CSMD1: variants seen among roughly 807,000 people sequenced by gnomAD.
CSMD1 encodes the protein CUB and sushi domain-containing protein 1.
In CSMD1, 213 loss-of-function variants were observed where a neutral mutation model predicts 417.5. The ratio of observed to expected loss-of-function variants is 0.51; its 90% CI spans 0.46 to 0.57. The LOEUF (loss-of-function observed/expected upper bound fraction) is 0.57, where lower values mean the gene tolerates loss of function less well. CSMD1 is among the 20% of genes least tolerant of loss of function. CSMD1 has a pLI of 0.00. For missense variants in CSMD1, 6,923 were observed against 4,529.7 expected, an observed-to-expected ratio of 1.53 and a Z score of -15.17; for synonymous variants, 2,862 against 1,736.8, an observed-to-expected ratio of 1.65 and a Z score of -16.11.
chr8:3,912,358 G>C (rs951006915), intron 5 of CSMD1, among the ~76,000 whole-genome samples: 2 of 152,100 alleles, frequency 1.3e-5, no homozygotes, highest in Admixed American at 6.5e-5. Flanking sequence ...CATGTATTTA[G>C]GATTTACTAC....
intron 4 of CSMD1, among the ~76,000 whole-genome samples, chr8:4,013,727 G>A (rs1796389347): frequency 6.6e-6 from 1 of 152,148 alleles, no homozygotes; most frequent in African/African-American, 2.4e-5. Context: ...AACAAATGTT[G>A]GCGAACTATA....
intron 2 of CSMD1, among the ~76,000 whole-genome samples, chr8:4,445,830 T>G (rs1349377244): frequency 1.3e-5 from 2 of 152,230 alleles, no homozygotes; most frequent in African/African-American, 2.4e-5. Flanking sequence ...AATTGCCTAC[T>G]TAGTAATTAA....
intron 18 of CSMD1, among the ~76,000 whole-genome samples, chr8:3,381,526 G>A (rs1227146217): frequency 6.6e-6 from 1 of 151,888 alleles, no homozygotes; most frequent in Non-Finnish European, 1.5e-5. Context: ...ATATTTTAAG[G>A]GTTATCATTC....
chr8:2,946,718 T>C (rs1802265135), intron 68 of CSMD1, among the ~76,000 whole-genome samples: 1 of 152,250 alleles, frequency 6.6e-6, no homozygotes, highest in Non-Finnish European at 1.5e-5. Context: ...ACAAGTTTTG[T>C]GTGACATATT....
At chr8:3,742,940 T>G (rs1294693338) in intron 6 of CSMD1, among the ~76,000 whole-genome samples, 1 of 152,308 alleles carries the variant, frequency 6.6e-6, no homozygotes, top group African/African-American at 2.4e-5. Flanking sequence ...GTCGCACTCA[T>G]CTTCTTGACA....
chr8:4,737,341 G>A lies in CSMD1; in HGVS notation c.86-99783C>T, dbSNP rs147522600. On this transcript the variant is annotated intron_variant, in intron 1 of 69. Coordinates refer to ENST00000635120, the MANE Select transcript of CSMD1 (RefSeq NM_033225.6). The stretch of plus-strand genomic sequence containing the variant: ...CACACCCTGGGATCTTTCAAAGGGT[G>A]GAGGGTTGGAGGAGAGAGAGAGTCA... 1.7e-3 allele frequency among the ~76,000 whole-genome samples: 254 copies of A among 152,166 alleles called. 1 individual carries two copies. The highest frequency in any genetic ancestry group is 5.9e-3 in the African/African-American group (245 of 41,478).
At position 3,518,958 on chromosome 8, in the gene CSMD1, CAAT is replaced by C. The variant is rs571050502; in HGVS notation, c.1345-25235_1345-25233del. Among the ~76,000 whole-genome samples, 31 of 152,298 alleles carry C rather than the reference CAAT, an allele frequency of 2.0e-4. No homozygotes were observed. In the South Asian group the frequency reaches 2.1e-3, roughly 10 times the overall value. ...TCCCTTTTATTTGGTTTCAACACAA[CAAT>C]GTTATGTAGCACTTTTAAACTGAAA... On this transcript the variant is annotated intron_variant, in intron 10 of 69. Transcript: ENST00000635120.
intron 1 of CSMD1, among the ~76,000 whole-genome samples, chr8:4,811,468 C>T (rs1343135160): frequency 6.6e-6 from 1 of 151,890 alleles, no homozygotes; most frequent in African/African-American, 2.4e-5. Context: ...AATACAACTT[C>T]AAAAAATACA....
chr8:3,186,427 T>G (rs778301604), intron 36 of CSMD1, among the ~76,000 whole-genome samples: 2 of 152,182 alleles, frequency 1.3e-5, no homozygotes, highest in Non-Finnish European at 2.9e-5. Flanking sequence ...AAACATGGAT[T>G]GTGAATGACA....
At chr8:3,126,576 C>T (rs1368139703) in intron 41 of CSMD1, among the ~76,000 whole-genome samples, 5 of 152,154 alleles carry the variant, frequency 3.3e-5, no homozygotes, top group Non-Finnish European at 5.9e-5. Context: ...ACAGAATTTC[C>T]CAAGTGCACA....
chr8:4,486,180 CATATATATATATATAT>C (rs559383827), intron 2 of CSMD1, among the ~76,000 whole-genome samples: 3 of 17,610 alleles, frequency 1.7e-4, no homozygotes, highest in African/African-American at 4.5e-4. Context: ...TATATACATA[CATATATATATATATAT>C]ATACATACAT....
At chr8:4,333,239 C>T (rs923020062) in intron 3 of CSMD1, among the ~76,000 whole-genome samples, 3 of 152,058 alleles carry the variant, frequency 2.0e-5, no homozygotes, top group African/African-American at 7.2e-5. Context: ...GCCTAGTGAC[C>T]CTGGACACAA....
intron 25 of CSMD1, among the ~76,000 whole-genome samples, chr8:3,292,890 G>A (rs1299269460): frequency 1.3e-5 from 2 of 151,544 alleles, no homozygotes; most frequent in Non-Finnish European, 2.9e-5. Flanking sequence ...TGGTTATTTT[G>A]CTCGTTAGTT....
intron 5 of CSMD1, among the ~76,000 whole-genome samples, chr8:3,945,858 CATT>C (rs1489048850): frequency 4.6e-5 from 7 of 152,168 alleles, no homozygotes; most frequent in African/African-American, 1.2e-4. Flanking sequence ...TGTAGTGAAT[CATT>C]ATTCCAGAAA....
intron 25 of CSMD1, among the ~76,000 whole-genome samples, chr8:3,286,836 C>T (rs1416683306): frequency 1.3e-5 from 2 of 152,134 alleles, no homozygotes; most frequent in East Asian, 3.9e-4. Context: ...ATTTAGATCC[C>T]ATTTGTCAAT....
intron 5 of CSMD1, among the ~76,000 whole-genome samples, chr8:3,914,520 G>C (rs987265195): frequency 1.3e-5 from 2 of 152,150 alleles, no homozygotes; most frequent in Admixed American, 1.3e-4. Flanking sequence ...TTTAATTTTT[G>C]TAGCTCCTAA....
intron 4 of CSMD1, among the ~76,000 whole-genome samples, chr8:4,022,395 C>T (rs189883743): frequency 9.2e-5 from 14 of 151,986 alleles, no homozygotes; most frequent in African/African-American, 1.4e-4. Context: ...TATGGGAGGA[C>T]ATATTTTCTA....
At chr8:3,878,940 T>G (rs1314665592) in intron 5 of CSMD1, among the ~76,000 whole-genome samples, 3 of 152,094 alleles carry the variant, frequency 2.0e-5, no homozygotes, top group African/African-American at 7.2e-5. Flanking sequence ...GAAAATAACT[T>G]TAATATATGA....
chr8:4,624,790 G>C (rs1199265614), intron 2 of CSMD1, among the ~76,000 whole-genome samples: 9 of 152,118 alleles, frequency 5.9e-5, no homozygotes, highest in African/African-American at 1.9e-4. Flanking sequence ...TGTGACCCTA[G>C]TCAAGTCCAG....
Sources: gnomAD v4.1 joint callset for allele counts (sites outside exome capture counted in the v4.1 genomes callset) on GRCh38, gnomAD v4.1.1 for gene constraint, MANE v1.5 for transcripts, NCBI Gene and HGNC (gene_info 2026-07-23, HGNC 2026-07-21) for gene names.